ATG16L1: variants seen among roughly 807,000 people sequenced by gnomAD.
The protein encoded by ATG16L1 is autophagy-related protein 16-1.
Under a neutral mutation model 88.5 loss-of-function variants are expected in ATG16L1, and 37 were observed. The ratio of observed to expected loss-of-function variants is 0.42; its 90% CI spans 0.32 to 0.55. ATG16L1 has a LOEUF of 0.55. Ranked by LOEUF, ATG16L1 falls within the 20% of genes least tolerant of loss-of-function variation. The pLI, the probability that ATG16L1 is intolerant of heterozygous loss-of-function variation, is 0.13. For synonymous variants in ATG16L1, 301 were observed against 281.0 expected (o/e 1.07, Z -0.71); for missense variants, 554 against 752.8 (o/e 0.74, Z 3.09).
Position 233,292,446 on chromosome 2 carries a change from C to A in ATG16L1, c.1628+12C>A, listed in dbSNP as rs754610053. 2.5e-6 allele frequency: 4 copies of A among 1,612,200 alleles called. No homozygotes were observed. On this transcript the variant is annotated intron_variant, in intron 16 of 17. Transcript: ENST00000392017. ...AGAGTTGTCTTCAGGTTAGTAGTGA[C>A]CCACCCCCCGCCAATTTGGTTCATC...
In ATG16L1 at chr2:233,294,357, T is replaced by C; in HGVS notation, c.*7T>C. 1 of 1,612,414 alleles carries C rather than the reference T, an allele frequency of 6.2e-7. No individual in the cohort carries two copies. Among genetic ancestry groups the C allele is most frequent in the Non-Finnish European group, 8.5e-7 (1 of 1,179,106 alleles). ...GCTGTGGGCACAGTACTGACGGGGC[T>C]CTCAGGGCTGGGAGGACCCCAGTGC... is the stretch of plus-strand genomic sequence containing the variant. On this transcript the variant is annotated 3_prime_UTR_variant, in exon 18 of 18. Transcript: ENST00000392017.
chr2:233,264,545 A>T (rs1255534066), intron 4 of ATG16L1, among the ~76,000 whole-genome samples: 1 of 152,108 alleles, frequency 6.6e-6, no homozygotes, highest in Non-Finnish European at 1.5e-5. Flanking sequence ...AATATGTGGA[A>T]AGGGGTCTAG....
At chr2:233,287,903 AAGAAGT>A (rs1394964231) in intron 12 of ATG16L1, among the ~76,000 whole-genome samples, 1 of 152,204 alleles carries the variant, frequency 6.6e-6, no homozygotes, top group Non-Finnish European at 1.5e-5. Context: ...GATAGAATTT[AAGAAGT>A]AGCCTACCCA....
intron 2 of ATG16L1, among the ~76,000 whole-genome samples, chr2:233,260,316 G>A (rs1242726475): frequency 2.0e-5 from 3 of 152,184 alleles, no homozygotes; most frequent in Admixed American, 6.5e-5. Flanking sequence ...TGTTAGAAAC[G>A]AAGATTCTTG....
chr2:233,285,691 C>T (rs1337625182), intron 12 of ATG16L1, among the ~76,000 whole-genome samples: 7 of 152,286 alleles, frequency 4.6e-5, no homozygotes, highest in Non-Finnish European at 8.8e-5. Flanking sequence ...TACCAGGTTC[C>T]AGAAAGTAAA....
At chr2:233,270,945 C>CTAGG (rs1474954747) in intron 6 of ATG16L1, among the ~76,000 whole-genome samples, 1 of 152,170 alleles carries the variant, frequency 6.6e-6, no homozygotes, top group Non-Finnish European at 1.5e-5. Flanking sequence ...TTAAATTCAA[C>CTAGG]TAGGAGTCAT....
chr2:233,282,596 A>T, intron 11 of ATG16L1, 86 bp from the exon 12 acceptor site: 1 of 1,203,014 alleles, frequency 8.3e-7, no homozygotes, highest in Non-Finnish European at 1.2e-6. Context: ...ACCTTCTTGT[A>T]CTTGATTATT....
chr2:233,292,856 T>G (rs1699557645), intron 16 of ATG16L1, among the ~76,000 whole-genome samples: 1 of 152,232 alleles, frequency 6.6e-6, no homozygotes, highest in African/African-American at 2.4e-5. Flanking sequence ...GTATCCTGCT[T>G]CTTCCAAATA....
At chr2:233,252,044 A>C in intron 1 of ATG16L1, 102 bp downstream of exon 1, 1 of 1,040,282 alleles carries the variant, frequency 9.6e-7, no homozygotes, top group Non-Finnish European at 1.3e-6. Flanking sequence ...CGCCGCCCGC[A>C]CGCATGGCGG....
At chr2:233,286,648 CAG>C (rs1353922990) in intron 12 of ATG16L1, among the ~76,000 whole-genome samples, 1 of 83,852 alleles carries the variant, frequency 1.2e-5, no homozygotes, top group Non-Finnish European at 2.2e-5. Context: ...TTTTTTGAGA[CAG>C]TGTCTCGCTC....
chr2:233,272,879 A>G (rs1698086643), intron 6 of ATG16L1, 87 bp from the exon 7 acceptor site: 6 of 1,191,242 alleles, frequency 5.0e-6, no homozygotes, highest in Non-Finnish European at 1.3e-6. Flanking sequence ...TTTAGGATCT[A>G]ACTAGAAAAT....
chr2:233,261,729 G>A (rs1697231374), intron 2 of ATG16L1, among the ~76,000 whole-genome samples: 3 of 152,142 alleles, frequency 2.0e-5, no homozygotes, highest in Admixed American at 1.3e-4. Context: ...TCCCTAGACA[G>A]TGGTTTCAGC....
chr2:233,287,242 T>C (rs886227241), intron 12 of ATG16L1, among the ~76,000 whole-genome samples: 1 of 152,240 alleles, frequency 6.6e-6, no homozygotes, highest in Non-Finnish European at 1.5e-5. Context: ...CCCATGAATT[T>C]TCAGCTATCA....
chr2:233,269,324 G>A (rs778013332), intron 5 of ATG16L1, among the ~76,000 whole-genome samples: 4 of 152,168 alleles, frequency 2.6e-5, no homozygotes, highest in Non-Finnish European at 4.4e-5. Flanking sequence ...GTAAGGGGAA[G>A]TCCTAAGTAA....
intron 2 of ATG16L1, among the ~76,000 whole-genome samples, chr2:233,259,114 C>G (rs1292144225): frequency 1.3e-5 from 2 of 152,134 alleles, no homozygotes; most frequent in Admixed American, 1.3e-4. Flanking sequence ...CGTGGCCAAG[C>G]AAGGAGGCAG....
At chr2:233,281,415 A>G (rs918181476) in intron 11 of ATG16L1, among the ~76,000 whole-genome samples, 2 of 152,154 alleles carry the variant, frequency 1.3e-5, no homozygotes, top group South Asian at 2.1e-4. Flanking sequence ...GTATAATTTC[A>G]CTTAATAGTT....
chr2:233,289,117 C>T (rs1439068056), intron 12 of ATG16L1, among the ~76,000 whole-genome samples: 1 of 152,134 alleles, frequency 6.6e-6, no homozygotes, highest in Non-Finnish European at 1.5e-5. Context: ...ATAATTCAGA[C>T]ATAGAAAAAT....
intron 7 of ATG16L1, chr2:233,273,355 T>G (rs973122696): frequency 8.1e-6 from 4 of 493,796 alleles, no homozygotes; most frequent in African/African-American, 5.8e-5. Flanking sequence ...ATCATCCTGT[T>G]TCATTCTTAC....
Position 233,281,130 on chromosome 2 carries a change from A to G in ATG16L1, c.1086A>G (p.Leu362=), listed in dbSNP as rs1698693988. ...AAAAATGTGAGTTCAAGGGTTCCCT[A>G]TCTGGCAGTAATGCAGGAATTACAA... ...FGEKCEFKGS[L]SGSNAGITSI... Residue 362 remains leucine, a synonymous_variant, in exon 11 of 18, where the codon CTA becomes CTG. Coordinates refer to ENST00000392017, the MANE Select transcript of ATG16L1 (RefSeq NM_030803.7). The G allele has an allele frequency of 1.2e-6, 2 of 1,604,864 alleles. No homozygotes were observed. The highest frequency in any genetic ancestry group is 1.7e-6 in the Non-Finnish European group (2 of 1,177,642).
Sources: gnomAD v4.1 joint callset for allele counts (sites outside exome capture counted in the v4.1 genomes callset) on GRCh38, gnomAD v4.1.1 for gene constraint, MANE v1.5 for transcripts, NCBI Gene and HGNC (gene_info 2026-07-23, HGNC 2026-07-21) for gene names.